BLNK: variants seen among roughly 807,000 people sequenced by gnomAD.
BLNK encodes B-cell linker protein.
Under a neutral mutation model 73.5 loss-of-function variants are expected in BLNK, and 29 were observed. The observed-to-expected ratio is 0.39, with a 90% CI of 0.29 to 0.54. BLNK has a LOEUF of 0.54. Ranked by LOEUF, BLNK falls within the 20% of genes least tolerant of loss-of-function variation. The pLI is 0.61. For synonymous variants in BLNK, 176 were observed against 200.8 expected (o/e 0.88, Z 1.04); for missense variants, 460 against 562.8 (o/e 0.82, Z 1.85).
intron 3 of BLNK, 39 bp from the exon 4 acceptor site, chr10:96,230,873 G>A (rs782427332): frequency 1.9e-6 from 3 of 1,601,464 alleles, no homozygotes; most frequent in East Asian, 2.2e-5. Flanking sequence ...ACAAGTGTGA[G>A]CCTCAGCTGG....
intron 1 of BLNK, among the ~76,000 whole-genome samples, chr10:96,264,065 C>T (rs1443891015): frequency 1.3e-5 from 2 of 152,118 alleles, no homozygotes; most frequent in Non-Finnish European, 2.9e-5. Context: ...CTCTAAATTC[C>T]TAATAATGTG....
chr10:96,227,306 G>T, intron 5 of BLNK, 104 bp downstream of exon 5: 1 of 1,468,478 alleles, frequency 6.8e-7, no homozygotes, highest in Non-Finnish European at 9.2e-7. Context: ...GCTGGCAGAG[G>T]CCCTCAAGCA....
At chr10:96,254,967 A>C (rs2134117682) in intron 1 of BLNK, among the ~76,000 whole-genome samples, 1 of 152,332 alleles carries the variant, frequency 6.6e-6, no homozygotes, top group South Asian at 2.1e-4. Flanking sequence ...CTTGACACCC[A>C]GGCCTTGCCC....
intron 3 of BLNK, among the ~76,000 whole-genome samples, chr10:96,241,196 A>T (rs1322521705): frequency 6.6e-6 from 1 of 152,242 alleles, no homozygotes; most frequent in African/African-American, 2.4e-5. Context: ...TATCTTGATC[A>T]GTGGCCGAAA....
chr10:96,251,410 G>T (rs1843280776), intron 1 of BLNK, among the ~76,000 whole-genome samples: 1 of 152,194 alleles, frequency 6.6e-6, no homozygotes, highest in East Asian at 1.9e-4. Context: ...TTCCAGGAGG[G>T]GTTGTTCTGG....
At position 96,271,368 on chromosome 10, in the gene BLNK, C is replaced by T. The variant is rs1367177978; in HGVS notation, c.31G>A (p.Ala11Thr). MDKLNKITVP[A>T]SQKLRQLQKM... is the part of the protein sequence containing the mutation. ...AAATCTTACCTCAACTTCTGACTGGCGGGGACGGTTATTTTATTAAGCTTG... is the reference window on the plus strand; with the variant it reads ...AAATCTTACCTCAACTTCTGACTGGTGGGGACGGTTATTTTATTAAGCTTG... Residue 11 changes from alanine to threonine, a missense_variant, in exon 1 of 17, where the codon GCC (alanine) becomes ACC (threonine). By Grantham distance (58) the Ala-to-Thr change is moderately conservative. Around this residue, in one of 3 missense-constraint regions of BLNK, gnomAD observed 139 missense variants for 187.3 expected, o/e 0.74. Transcript: ENST00000224337. The T allele has an allele frequency of 3.1e-6, 5 of 1,614,074 alleles. No homozygotes were observed. The highest frequency in any genetic ancestry group is 1.3e-5 in the African/African-American group (1 of 75,012).
chr10:96,200,124 C>G lies in BLNK; in HGVS notation c.1046G>C (p.Gly349Ala). Residue 349 changes from glycine to alanine, a missense_variant, in exon 15 of 17, where the codon GGA (glycine) becomes GCA (alanine). Physicochemically the swap from Gly to Ala is moderately conservative, Grantham distance 60 (BLOSUM62 0). Coordinates refer to ENST00000224337, the MANE Select transcript of BLNK (RefSeq NM_013314.4). This position sits in a 1 kb window ranked among gnomAD's most constrained non-coding sequence, Gnocchi z 4.3. ...TTCAGCAGACTTTCGATCACAGGCT[C>G]CAGCATACCATGGCTTGCAGAGAAC... Reference protein sequence around the residue: ...AGVLCKPWYAGACDRKSAEEA... With the variant: ...AGVLCKPWYAAACDRKSAEEA... 1 of 1,614,094 alleles carries G rather than the reference C, an allele frequency of 6.2e-7. No homozygotes were observed. The highest frequency in any genetic ancestry group is 1.1e-5 in the South Asian group (1 of 91,068).
At chr10:96,192,224 T>C (rs1292068300) in intron 16 of BLNK, 132 bp from the exon 17 acceptor site, 1 of 1,298,216 alleles carries the variant, frequency 7.7e-7, no homozygotes, top group African/African-American at 1.5e-5. Context: ...CACAAAAAAA[T>C]CTAGTTTAAC....
At chr10:96,222,107 G>A (rs1554901259) in intron 6 of BLNK, among the ~76,000 whole-genome samples, 1 of 152,176 alleles carries the variant, frequency 6.6e-6, no homozygotes, top group Non-Finnish European at 1.5e-5. Context: ...TGTGTGTGAG[G>A]CACTGTATTT....
intron 2 of BLNK, among the ~76,000 whole-genome samples, chr10:96,245,299 A>G (rs1554907363): frequency 6.6e-6 from 1 of 152,244 alleles, no homozygotes; most frequent in African/African-American, 2.4e-5. Context: ...GAACTTCTAT[A>G]AACTATTTTT....
chr10:96,209,852 C>G lies in BLNK; in HGVS notation c.732G>C (p.Pro244=), dbSNP rs782456480. ...CAGGTACTTACCCGGCCCGTGGCAA[C>G]GGGGATGGTGCAGCTGGTGGAGGTG... ...TKSPPPAAPS[P]LPRAGKKPTT... Residue 244 remains proline, a synonymous_variant, in exon 9 of 17, where the codon CCG becomes CCC. Transcript: ENST00000224337. 6.2e-7 allele frequency: 1 copy of G among 1,614,180 alleles called. No homozygotes were observed. Among genetic ancestry groups the G allele is most frequent in the Non-Finnish European group, 8.5e-7 (1 of 1,180,026 alleles).
intron 3 of BLNK, among the ~76,000 whole-genome samples, chr10:96,236,842 A>C (rs1938054406): frequency 6.6e-6 from 1 of 152,032 alleles, no homozygotes; most frequent in African/African-American, 2.4e-5. Flanking sequence ...AGAAAAAAGA[A>C]ATACTTATCA....
Position 96,227,517 on chromosome 10 carries a change from A to G in BLNK, c.254T>C (p.Val85Ala), listed in dbSNP as rs587702260. 1.8e-5 allele frequency: 29 copies of G among 1,614,194 alleles called. No homozygotes were observed. The Admixed American group carries it at 3.3e-4, about 19-fold the overall frequency. Residue 85 changes from valine to alanine, a missense_variant, in exon 5 of 17, where the codon GTG becomes GCG. By Grantham distance (64) the Val-to-Ala change is moderately conservative. Coordinates refer to ENST00000224337, the MANE Select transcript of BLNK (RefSeq NM_013314.4). ...ATCAGCGTTCTCCTCGGCGGGCATC[A>G]CGTACATCTCTGAGTCCGAGTGCTC... ...PDEHSDSEMY[V>A]MPAEENADDS...
At chr10:96,249,637 G>C (rs2134100739) in intron 1 of BLNK, among the ~76,000 whole-genome samples, 1 of 152,328 alleles carries the variant, frequency 6.6e-6, no homozygotes, top group Middle Eastern at 3.4e-3. Flanking sequence ...ATGGCTGTTA[G>C]GCGCTAGAGT....
At chr10:96,222,459 C>T (rs750197172) in intron 6 of BLNK, among the ~76,000 whole-genome samples, 2 of 152,200 alleles carry the variant, frequency 1.3e-5, no homozygotes, top group Non-Finnish European at 2.9e-5. Context: ...TAGGCTTTAT[C>T]AGTTACTACG....
intron 1 of BLNK, among the ~76,000 whole-genome samples, chr10:96,252,700 CA>C (rs1843334582): frequency 6.6e-6 from 1 of 152,140 alleles, no homozygotes; most frequent in Non-Finnish European, 1.5e-5. Context: ...CCACAGTTTG[CA>C]AAACTGTAGA....
intron 3 of BLNK, among the ~76,000 whole-genome samples, chr10:96,235,077 C>A (rs1554904827): frequency 1.3e-5 from 2 of 152,232 alleles, no homozygotes; most frequent in Non-Finnish European, 2.9e-5. Flanking sequence ...CCCTCCCCAG[C>A]CTGTGGGCAC....
chr10:96,236,587 C>T lies in BLNK; in HGVS notation c.164-5753G>A, dbSNP rs138893114. ...CTGTAATCCCAGCACTTTGGGAGGC[C>T]AGGGCAGGAGGATCACTGGAGGCCG... is the stretch of plus-strand genomic sequence containing the variant. On this transcript the variant is annotated intron_variant, in intron 3 of 16. Transcript: ENST00000224337. 5.0e-3 allele frequency among the ~76,000 whole-genome samples: 759 copies of T among 152,168 alleles called. 8 individuals carry two copies. Among genetic ancestry groups the T allele is most frequent in the African/African-American group, 0.017 (726 of 41,500 alleles).
intron 1 of BLNK, among the ~76,000 whole-genome samples, chr10:96,250,387 A>T (rs1843230200): frequency 2.6e-5 from 4 of 151,680 alleles, no homozygotes. Flanking sequence ...GTGGGGAGAG[A>T]GATTGAGAGA....
Sources: allele counts gnomAD v4.1 joint callset (sites outside exome capture counted in the v4.1 genomes callset), GRCh38; gene constraint gnomAD v4.1.1; regional missense constraint gnomAD v4.1.1; non-coding constraint Gnocchi (gnomAD v3.1); transcripts MANE v1.5; gene names NCBI Gene and HGNC (gene_info 2026-07-23, HGNC 2026-07-21).